The following FER1L6 variants were observed in gnomAD, a reference collection of about 807,000 sequenced individuals.
The protein encoded by FER1L6 is fer-1-like protein 6.
A neutral mutation model predicts 219.2 loss-of-function variants in FER1L6; 177 were observed. The ratio of observed to expected loss-of-function variants is 0.81; its 90% CI spans 0.71 to 0.91. The LOEUF (loss-of-function observed/expected upper bound fraction) is 0.91, where lower values mean the gene tolerates loss of function less well. Among genes scored for constraint, FER1L6 ranks in the 40% least tolerant of loss-of-function variants. FER1L6 has a pLI of 0.00. For synonymous variants in FER1L6, 768 were observed against 824.3 expected, an observed-to-expected ratio of 0.93 and a Z score of 1.17; for missense variants, 2,153 against 2,259.9, an observed-to-expected ratio of 0.95 and a Z score of 0.96.
intron 30 of FER1L6, 63 bp downstream of exon 30, chr8:124,070,661 G>C: frequency 7.1e-7 from 1 of 1,409,108 alleles, no homozygotes; most frequent in Non-Finnish European, 9.6e-7. Context: ...GCTATGACTC[G>C]ATTCTGTTAA....
Position 123,970,048 on chromosome 8 carries a change from A to C in FER1L6, c.398A>C (p.Asp133Ala). 1 of 1,614,040 alleles carries C rather than the reference A, an allele frequency of 6.2e-7. No homozygotes were observed. Among genetic ancestry groups the C allele is most frequent in the Non-Finnish European group, 8.5e-7 (1 of 1,179,934 alleles). ...TTTGTTTTGCAGTACTTTGTCTTCG[A>C]CTTCATTGGGCCCCAAGTGCATCTT... is the stretch of plus-strand genomic sequence containing the variant. ...SPFYNEYFVFDFIGPQVHLFD... is the reference protein window; with the variant it reads ...SPFYNEYFVFAFIGPQVHLFD... The change falls in exon 6 of 41, where the codon GAC (aspartate) becomes GCC (alanine). Residue 133 changes from aspartate to alanine, a missense_variant. Coordinates refer to ENST00000522917, the MANE Select transcript of FER1L6 (RefSeq NM_001039112.2).
intron 11 of FER1L6, among the ~76,000 whole-genome samples, chr8:123,982,866 A>G (rs1201066965): frequency 6.6e-6 from 1 of 152,188 alleles, no homozygotes; most frequent in African/African-American, 2.4e-5. Context: ...CCTCCTACAG[A>G]CTGCTTGAGG....
At chr8:123,933,548 C>T (rs1251409948) in intron 1 of FER1L6, among the ~76,000 whole-genome samples, 2 of 152,176 alleles carry the variant, frequency 1.3e-5, no homozygotes, top group African/African-American at 4.8e-5. Context: ...CATGTGAGTG[C>T]ATGTGCACAC....
At chr8:123,875,465 C>G (rs1586433647) in intron 1 of FER1L6, among the ~76,000 whole-genome samples, 1 of 152,166 alleles carries the variant, frequency 6.6e-6, no homozygotes, top group African/African-American at 2.4e-5. Context: ...CTTGCTCCTC[C>G]TCCTGTCTGC....
chr8:123,963,626 C>T lies in FER1L6; in HGVS notation c.197+228C>T, dbSNP rs1261602189. Among the ~76,000 whole-genome samples, 3 of 152,216 alleles carry T rather than the reference C, an allele frequency of 2.0e-5. No homozygotes were observed. In the East Asian group the frequency reaches 5.8e-4, roughly 29 times the overall value. ...GCCAGGATCATGGTTCTACAAGCTT[C>T]TGGTCTTAAATCTCCTGAGTGAAGG... On this transcript the variant is annotated intron_variant, in intron 3 of 40. Transcript: ENST00000522917.
intron 33 of FER1L6, among the ~76,000 whole-genome samples, chr8:124,086,592 G>A (rs1439131002): frequency 6.6e-6 from 1 of 152,008 alleles, no homozygotes; most frequent in Non-Finnish European, 1.5e-5. Flanking sequence ...TGGTTCATAT[G>A]TTCATCTTTC....
intron 1 of FER1L6, among the ~76,000 whole-genome samples, chr8:123,914,342 A>G (rs1289709059): frequency 6.6e-6 from 1 of 152,210 alleles, no homozygotes; most frequent in Non-Finnish European, 1.5e-5. Flanking sequence ...GAAAGCATTT[A>G]GCTTTTGGCT....
rs11778324 is a variant in FER1L6, at chr8:123,862,807, G to A, written c.-8+10622G>A. Reference sequence around the variant, plus strand: ...ATTCTCTGATGGTAGTTTGTATTTCGGTGGGATCGGTGGTGATATCCCCTT... The same window carrying A: ...ATTCTCTGATGGTAGTTTGTATTTCAGTGGGATCGGTGGTGATATCCCCTT... On this transcript the variant is annotated intron_variant, in intron 1 of 40. Coordinates refer to ENST00000522917, the MANE Select transcript of FER1L6 (RefSeq NM_001039112.2). Among the ~76,000 whole-genome samples the A allele has an allele frequency of 7.8e-5, 7 of 89,284 alleles. 2 individuals carry two copies. Among genetic ancestry groups the A allele is most frequent in the African/African-American group, 3.9e-4 (7 of 18,004 alleles). 58.6% of individuals were successfully genotyped at this position (89,284 alleles called of 152,430 possible). A position where few individuals can be genotyped will look rare whatever the true frequency, so the allele number is the denominator to read the frequency against.
intron 1 of FER1L6, among the ~76,000 whole-genome samples, chr8:123,859,390 G>C (rs973045788): frequency 6.6e-6 from 1 of 151,974 alleles, no homozygotes; most frequent in Middle Eastern, 3.2e-3. Context: ...CCAATTTATC[G>C]CTTTTTTGTG....
intron 1 of FER1L6, among the ~76,000 whole-genome samples, chr8:123,858,264 G>C (rs1816683557): frequency 6.6e-6 from 1 of 152,176 alleles, no homozygotes; most frequent in Non-Finnish European, 1.5e-5. Context: ...GCGTCTGTCA[G>C]GTTCTTGGTG....
At chr8:123,909,616 G>A (rs369705473) in intron 1 of FER1L6, among the ~76,000 whole-genome samples, 9 of 152,252 alleles carry the variant, frequency 5.9e-5, no homozygotes, top group African/African-American at 2.2e-4. Context: ...GAAAAAGGTT[G>A]CTTTCTATGC....
At chr8:124,102,363 T>A (rs1203069394) in intron 38 of FER1L6, among the ~76,000 whole-genome samples, 3 of 152,126 alleles carry the variant, frequency 2.0e-5, no homozygotes, top group Non-Finnish European at 4.4e-5. Context: ...ACAGGATACA[T>A]TAAGTGAAAA....
intron 16 of FER1L6, among the ~76,000 whole-genome samples, chr8:124,021,010 T>C (rs986051236): frequency 6.6e-6 from 1 of 152,078 alleles, no homozygotes; most frequent in Non-Finnish European, 1.5e-5. Context: ...CCTCCAGTCA[T>C]GGTGGAAGGC....
chr8:123,853,335 A>C lies in FER1L6; in HGVS notation c.-8+1150A>C, dbSNP rs1242154698. On this transcript the variant is annotated intron_variant, in intron 1 of 40. Coordinates refer to ENST00000522917, the MANE Select transcript of FER1L6 (RefSeq NM_001039112.2). This position sits in a 1 kb window ranked among gnomAD's most constrained non-coding sequence, Gnocchi z 6.6. ...ACACCCGGCTAATTTCTGTATTTTT[A>C]GAGAAGACGGGGTTTCACCATGACG... Among the ~76,000 whole-genome samples, 1 of 152,004 alleles carries C rather than the reference A, an allele frequency of 6.6e-6. No individual in the cohort carries two copies. Among genetic ancestry groups the C allele is most frequent in the Non-Finnish European group, 1.5e-5 (1 of 68,002 alleles).
intron 1 of FER1L6, among the ~76,000 whole-genome samples, chr8:123,949,014 CAG>C (rs1034846613): frequency 1.3e-5 from 2 of 152,146 alleles, no homozygotes; most frequent in African/African-American, 4.8e-5. Context: ...CATGTGGACA[CAG>C]AGGAGGGAAT....
rs1003436945 is a variant in FER1L6, at chr8:124,035,429, C to T, written c.2439C>T (p.His813=). 1.9e-6 allele frequency: 3 copies of T among 1,613,032 alleles called. No individual in the cohort carries two copies. The highest frequency in any genetic ancestry group is 2.5e-6 in the Non-Finnish European group (3 of 1,179,812). Residue 813 remains histidine, a synonymous_variant, in exon 19 of 41, where the codon CAC becomes CAT. Transcript: ENST00000522917. The part of the protein sequence containing the change: ...EMSSKGAGTN[H]PPSNLLYQEQ... ...CCTCCAAAGGGGCTGGCACCAATCA[C>T]CCCCCATCTAACCTGCTCTACCAAG...
chr8:124,017,597 AG>A, intron 15 of FER1L6, 30 bp from the exon 16 acceptor site: 1 of 1,487,214 alleles, frequency 6.7e-7, no homozygotes. Context: ...TTCACTAAGT[AG>A]GTTTCAAAAT....
chr8:124,063,012 A>G (rs186122588), intron 25 of FER1L6, among the ~76,000 whole-genome samples: 1 of 152,316 alleles, frequency 6.6e-6, no homozygotes, highest in Non-Finnish European at 1.5e-5. Flanking sequence ...TACCCTGTGG[A>G]CACAAATTAG....
chr8:123,963,034 T>C (rs559843776), intron 2 of FER1L6, among the ~76,000 whole-genome samples: 41 of 152,352 alleles, frequency 2.7e-4, no homozygotes, highest in African/African-American at 9.1e-4. Context: ...CGATTTTTCT[T>C]TTCACAGTCC....
Sources: gnomAD v4.1 joint callset for allele counts (sites outside exome capture counted in the v4.1 genomes callset) on GRCh38, gnomAD v4.1.1 for gene constraint, Gnocchi (gnomAD v3.1) non-coding constraint, MANE v1.5 for transcripts, NCBI Gene and HGNC (gene_info 2026-07-23, HGNC 2026-07-21) for gene names.